The following LRRC8D variants were observed in gnomAD, a reference collection of about 807,000 sequenced individuals.
LRRC8D encodes leucine rich repeat containing 8 VRAC subunit D.
A neutral mutation model predicts 55.8 loss-of-function variants in LRRC8D; 20 were observed. The observed-to-expected ratio is 0.36, with a 90% CI of 0.25 to 0.52. The LOEUF is 0.52. Ranked by LOEUF, LRRC8D falls within the 20% of genes least tolerant of loss-of-function variation. The probability of loss-of-function intolerance (pLI) is 0.93; values close to 1 mark genes in which losing one functional copy is unlikely to be tolerated. For missense variants in LRRC8D, 651 were observed against 1,030.8 expected, an observed-to-expected ratio of 0.63 and a Z score of 5.05; for synonymous variants, 352 against 377.0, an observed-to-expected ratio of 0.93 and a Z score of 0.77.
intron 2 of LRRC8D, among the ~76,000 whole-genome samples, chr1:89,887,372 T>C (rs1238643125): frequency 6.6e-6 from 1 of 152,200 alleles, no homozygotes; most frequent in African/African-American, 2.4e-5. Context: ...CTCTGGTTCA[T>C]TTAGTAGTTG....
intron 1 of LRRC8D, among the ~76,000 whole-genome samples, chr1:89,831,780 A>C (rs898707116): frequency 2.6e-5 from 4 of 152,222 alleles, no homozygotes; most frequent in African/African-American, 9.7e-5. Context: ...AGTGAGATAA[A>C]GAAGAGGGGT....
intron 2 of LRRC8D, among the ~76,000 whole-genome samples, chr1:89,864,477 C>T (rs945420461): frequency 6.6e-6 from 1 of 152,112 alleles, no homozygotes; most frequent in Non-Finnish European, 1.5e-5. Context: ...CTCCCAGATG[C>T]AATGAAGTGC....
At position 89,934,503 on chromosome 1, in the gene LRRC8D, C is replaced by A. The variant is rs756275492; in HGVS notation, c.1435C>A (p.Leu479Met). ...QDKQELHLFM[L>M]SGVPDAVFDL... is the part of the protein sequence containing the mutation. ...CAAGCAGGAGTTGCATCTGTTCATG[C>A]TGTCGGGGGTGCCCGATGCTGTCTT... Residue 479 changes from leucine (L) to methionine (M), a missense_variant, in exon 3 of 3, where the codon CTG becomes ATG. By Grantham distance (15) the Leu-to-Met change is conservative. Coordinates refer to ENST00000337338, the MANE Select transcript of LRRC8D (RefSeq NM_001134479.2). The surrounding 1 kb of genome is among the most constrained non-coding windows in gnomAD (Gnocchi z 5.9). The A allele has an allele frequency of 6.2e-7, 1 of 1,614,188 alleles. No homozygotes were observed. Among genetic ancestry groups the A allele is most frequent in the Non-Finnish European group, 8.5e-7 (1 of 1,180,028 alleles).
chr1:89,922,009 G>A (rs1663431597), intron 2 of LRRC8D, among the ~76,000 whole-genome samples: 1 of 152,104 alleles, frequency 6.6e-6, no homozygotes, highest in Non-Finnish European at 1.5e-5. Context: ...TTGAATCCAG[G>A]TCTCTTGGGC....
chr1:89,886,936 C>T (rs1438510588), intron 2 of LRRC8D, among the ~76,000 whole-genome samples: 1 of 151,698 alleles, frequency 6.6e-6, no homozygotes, highest in Non-Finnish European at 1.5e-5. Context: ...TAAAATGGGG[C>T]ATTTTAATGT....
At chr1:89,825,812 A>G (rs1330547620) in intron 1 of LRRC8D, among the ~76,000 whole-genome samples, 1 of 152,210 alleles carries the variant, frequency 6.6e-6, no homozygotes, top group Non-Finnish European at 1.5e-5. Context: ...CAAGTTCTCC[A>G]AATACTCTAG....
At chr1:89,829,244 C>G (rs1660832345) in intron 1 of LRRC8D, among the ~76,000 whole-genome samples, 1 of 152,162 alleles carries the variant, frequency 6.6e-6, no homozygotes, top group Non-Finnish European at 1.5e-5. Context: ...TATGGAACAC[C>G]TAAAGTTATT....
intron 2 of LRRC8D, among the ~76,000 whole-genome samples, chr1:89,854,280 A>G (rs1413527499): frequency 1.3e-5 from 2 of 152,184 alleles, no homozygotes; most frequent in Admixed American, 1.3e-4. Context: ...AGTAACAGTT[A>G]CCTTTGTAAA....
intron 1 of LRRC8D, among the ~76,000 whole-genome samples, chr1:89,837,185 G>A (rs186826816): frequency 6.6e-6 from 1 of 152,284 alleles, no homozygotes; most frequent in East Asian, 1.9e-4. Flanking sequence ...TTCTGGTCAA[G>A]GTGAGGAAGC....
intron 2 of LRRC8D, among the ~76,000 whole-genome samples, chr1:89,849,961 A>C (rs1661370762): frequency 1.3e-5 from 2 of 152,136 alleles, no homozygotes; most frequent in Non-Finnish European, 2.9e-5. Context: ...ATCCTCCCCT[A>C]TTCTGGGCTC....
chr1:89,826,541 C>T (rs1300883516), intron 1 of LRRC8D, among the ~76,000 whole-genome samples: 8 of 152,176 alleles, frequency 5.3e-5, no homozygotes, highest in African/African-American at 1.9e-4. Context: ...CATGAGCCAC[C>T]GCGCCTGGCT....
At chr1:89,860,785 A>AAAAAATATATATATAT (rs1553123917) in intron 2 of LRRC8D, among the ~76,000 whole-genome samples, 1 of 28,198 alleles carries the variant, frequency 3.5e-5, no homozygotes, top group Non-Finnish European at 7.2e-5. Flanking sequence ...AAAAAAAAAA[A>AAAAAATATATATATAT]ATATATATAT....
At chr1:89,821,579 G>A (rs1463382726) in intron 1 of LRRC8D, among the ~76,000 whole-genome samples, 1 of 152,170 alleles carries the variant, frequency 6.6e-6, no homozygotes, top group Non-Finnish European at 1.5e-5. Context: ...GGGGAGTGCG[G>A]CTTCCTGGCT....
intron 2 of LRRC8D, among the ~76,000 whole-genome samples, chr1:89,915,069 T>C (rs1390717655): frequency 6.6e-6 from 1 of 151,780 alleles, no homozygotes; most frequent in Non-Finnish European, 1.5e-5. Context: ...GTGTGTGGTG[T>C]GTTCAGCACC....
At chr1:89,823,148 A>G (rs558579647) in intron 1 of LRRC8D, among the ~76,000 whole-genome samples, 17 of 152,350 alleles carry the variant, frequency 1.1e-4, no homozygotes, top group Middle Eastern at 3.4e-3. Flanking sequence ...CGTGTTGATT[A>G]AAACCTAACA....
chr1:89,853,869 C>T (rs761387719), intron 2 of LRRC8D, among the ~76,000 whole-genome samples: 2 of 152,092 alleles, frequency 1.3e-5, no homozygotes, highest in South Asian at 4.2e-4. Context: ...AGAGCACAGG[C>T]AGGAGAGCGA....
chr1:89,908,727 A>T (rs1663056567), intron 2 of LRRC8D, among the ~76,000 whole-genome samples: 1 of 152,232 alleles, frequency 6.6e-6, no homozygotes, highest in Admixed American at 6.5e-5. Context: ...TTGGCCGACC[A>T]TTGACCATGT....
intron 2 of LRRC8D, among the ~76,000 whole-genome samples, chr1:89,866,201 A>G (rs901220373): frequency 1.3e-5 from 2 of 152,146 alleles, no homozygotes; most frequent in African/African-American, 2.4e-5. Flanking sequence ...TTGTCATTTT[A>G]TGGTGCCATG....
chr1:89,872,032 C>G (rs1259399971), intron 2 of LRRC8D, among the ~76,000 whole-genome samples: 1 of 152,158 alleles, frequency 6.6e-6, no homozygotes, highest in Non-Finnish European at 1.5e-5. Context: ...TGATCTCATC[C>G]TCATTACCTG....
Sources: allele counts gnomAD v4.1 joint callset (sites outside exome capture counted in the v4.1 genomes callset), GRCh38; gene constraint gnomAD v4.1.1; non-coding constraint Gnocchi (gnomAD v3.1); transcripts MANE v1.5; gene names NCBI Gene and HGNC (gene_info 2026-07-23, HGNC 2026-07-21).